Variants in DNAH9 observed in about 807,000 individuals in gnomAD.
The protein encoded by DNAH9 is dynein axonemal heavy chain 9.
DNAH9 carries 345 observed loss-of-function variants against 471.6 expected under a neutral mutation model. The ratio of observed to expected loss-of-function variants is 0.73; its 90% CI spans 0.67 to 0.80. The LOEUF is 0.80. Ranked by LOEUF, DNAH9 falls within the 30% of genes least tolerant of loss-of-function variation. The probability of loss-of-function intolerance (pLI) is 0.00; values close to 1 mark genes in which losing one functional copy is unlikely to be tolerated. For missense variants in DNAH9, 5,407 were observed against 5,609.2 expected, an observed-to-expected ratio of 0.96 and a Z score of 1.15; for synonymous variants, 2,093 against 2,123.6, an observed-to-expected ratio of 0.99 and a Z score of 0.40.
At position 11,704,278 on chromosome 17, in the gene DNAH9, G is replaced by C. The variant is rs1002532128; in HGVS notation, c.5227G>C (p.Glu1743Gln). The change falls in exon 25 of 69, where the codon GAG becomes CAG. Residue 1743 changes from glutamate (E) to glutamine (Q), a missense_variant. Physicochemically the swap from Glu to Gln is conservative, Grantham distance 29. Coordinates refer to ENST00000262442, the MANE Select transcript of DNAH9 (RefSeq NM_001372.4). ...ATTTGCCAGGCTGGAGGAAGGCTAT[G>C]AGAGTGCCATGAAGGACTATTATAA... Reference protein sequence around the residue: ...MAFARLEEGYESAMKDYYKKQ... With the variant: ...MAFARLEEGYQSAMKDYYKKQ... 6.2e-7 allele frequency: 1 copy of C among 1,614,208 alleles called. No homozygotes were observed. Among genetic ancestry groups the C allele is most frequent in the South Asian group, 1.1e-5 (1 of 91,088 alleles).
intron 1 of DNAH9, among the ~76,000 whole-genome samples, chr17:11,601,817 TC>T (rs2076297499): frequency 6.6e-6 from 1 of 152,090 alleles, no homozygotes; most frequent in Admixed American, 6.6e-5. Context: ...CCATGCAGCA[TC>T]GCTAAAGCCA....
At position 11,932,865 on chromosome 17, in the gene DNAH9, A is replaced by G. The variant is rs1974566129; in HGVS notation, c.12297+660A>G. Among the ~76,000 whole-genome samples the G allele has an allele frequency of 6.6e-6, 1 of 152,212 alleles. No individual in the cohort carries two copies. Among genetic ancestry groups the G allele is most frequent in the South Asian group, 2.1e-4 (1 of 4,824 alleles). Reference sequence around the variant, plus strand: ...GGAAGAGACTTCACACTCGCCTGATATAAGTTCCCAAACTTCGCTAACAAT... The same window carrying G: ...GGAAGAGACTTCACACTCGCCTGATGTAAGTTCCCAAACTTCGCTAACAAT... On this transcript the variant is annotated intron_variant, in intron 64 of 68. Coordinates refer to ENST00000262442, the MANE Select transcript of DNAH9 (RefSeq NM_001372.4). This position sits in a 1 kb window ranked among gnomAD's most constrained non-coding sequence, Gnocchi z 4.3.
chr17:11,822,124 T>G, intron 46 of DNAH9, 62 bp downstream of exon 46: 1 of 1,552,512 alleles, frequency 6.4e-7, no homozygotes, highest in South Asian at 1.2e-5. Flanking sequence ...GAGCTTCCAC[T>G]GATATTTCGG....
chr17:11,727,446 G>A (rs1207283622), intron 27 of DNAH9, among the ~76,000 whole-genome samples: 1 of 152,130 alleles, frequency 6.6e-6, no homozygotes, highest in African/African-American at 2.4e-5. Flanking sequence ...AGATACAGAC[G>A]TAAATTTTTC....
intron 49 of DNAH9, among the ~76,000 whole-genome samples, chr17:11,835,359 A>G (rs1200092972): frequency 6.6e-6 from 1 of 152,226 alleles, no homozygotes; most frequent in East Asian, 1.9e-4. Flanking sequence ...AATGTTTAAG[A>G]TAAGAGAATA....
rs111963634 is a variant in DNAH9, at chr17:11,762,758, G to GTTT, written c.6996-673_6996-671dup. ...GCACCAAAATTGCCTCTTTAGGTGC[G>GTTT]TTTTTTTTTTTGTTTTTTTTTTTTT... is the stretch of plus-strand genomic sequence containing the variant. On this transcript the variant is annotated intron_variant, in intron 35 of 68. Transcript: ENST00000262442. Among the ~76,000 whole-genome samples the GTTT allele has an allele frequency of 1.9e-3, 181 of 94,726 alleles. 10 individuals carry two copies. The highest frequency in any genetic ancestry group is 3.0e-3 in the East Asian group (10 of 3,354). 62.1% of individuals were successfully genotyped at this position (94,726 alleles called of 152,430 possible).
At position 11,892,045 on chromosome 17, in the gene DNAH9, A is replaced by G; in HGVS notation, c.11283+98A>G. 7.3e-7 allele frequency: 1 copy of G among 1,373,592 alleles called. No individual in the cohort carries two copies. The highest frequency in any genetic ancestry group is 1.0e-6 in the Non-Finnish European group (1 of 986,884). 85.1% of individuals were successfully genotyped at this position (1,373,592 alleles called of 1,614,324 possible). On this transcript the variant is annotated intron_variant, in intron 58 of 68. Transcript: ENST00000262442. This position sits in a 1 kb window ranked among gnomAD's most constrained non-coding sequence, Gnocchi z 4.3. ...TTCTTCTTTGAACATCACTTTCCAC[A>G]GCATGTCCAGACTATCTGTCTTTGG...
At chr17:11,928,706 G>A (rs1974407317) in intron 62 of DNAH9, among the ~76,000 whole-genome samples, 2 of 152,244 alleles carry the variant, frequency 1.3e-5, no homozygotes, top group Non-Finnish European at 1.5e-5. Context: ...GACTCAGTGT[G>A]TTTCAGGAAG....
At chr17:11,673,364 CT>C (rs1010930103) in intron 17 of DNAH9, among the ~76,000 whole-genome samples, 2 of 152,164 alleles carry the variant, frequency 1.3e-5, no homozygotes, top group Admixed American at 6.5e-5. Flanking sequence ...GCTGTCCTTG[CT>C]TTTCTAAATC....
chr17:11,610,478 AAG>A lies in DNAH9; in HGVS notation c.704_705del (p.Glu235ValfsTer14). On this transcript the variant is annotated frameshift_variant, in exon 3 of 69. Coordinates refer to ENST00000262442, the MANE Select transcript of DNAH9 (RefSeq NM_001372.4). LOFTEE classifies it high-confidence loss of function. ...GAGCTACCAAGTCCAGGTGGTACTC[AAG>A]AGAGAGTCTTCCCAGCCACTCTTAC... ...KWSYQVQVVL[K>X]RESSQPLLQG... 6.2e-7 allele frequency: 1 copy of A among 1,613,718 alleles called. No homozygotes were observed. The highest frequency in any genetic ancestry group is 8.5e-7 in the Non-Finnish European group (1 of 1,179,876).
chr17:11,897,019 G>A (rs1973241498), intron 59 of DNAH9, among the ~76,000 whole-genome samples: 1 of 152,198 alleles, frequency 6.6e-6, no homozygotes. Flanking sequence ...GAACCTGGGA[G>A]GTGGAGGTTG....
At chr17:11,749,074 G>GTTTTTTTTTTGTTTTTTTTTTTT (rs1567772305) in intron 32 of DNAH9, among the ~76,000 whole-genome samples, 1 of 49,106 alleles carries the variant, frequency 2.0e-5, no homozygotes, top group Non-Finnish European at 4.2e-5. Context: ...GTTTTTTTTT[G>GTTTTTTTTTTGTTTTTTTTTTTT]TTTTTTTTTT....
intron 43 of DNAH9, among the ~76,000 whole-genome samples, chr17:11,807,427 A>G (rs1969730563): frequency 6.6e-6 from 1 of 152,142 alleles, no homozygotes; most frequent in Non-Finnish European, 1.5e-5. Context: ...GAGAAGAGCA[A>G]AAGCAATCCT....
chr17:11,877,503 A>T (rs1972548651), intron 53 of DNAH9, among the ~76,000 whole-genome samples: 2 of 129,100 alleles, frequency 1.5e-5, no homozygotes, highest in South Asian at 2.6e-4. Flanking sequence ...AAAAAAAAAA[A>T]GTAATGGTGG....
intron 41 of DNAH9, among the ~76,000 whole-genome samples, 160 bp from the exon 42 acceptor site, chr17:11,793,343 C>T (rs902024663): frequency 1.2e-4 from 18 of 152,128 alleles, no homozygotes; most frequent in Non-Finnish European, 1.8e-4. Context: ...TACAAGCTCC[C>T]TTTCAGCTTC....
intron 45 of DNAH9, among the ~76,000 whole-genome samples, chr17:11,812,188 A>G (rs1969953368): frequency 6.6e-6 from 1 of 151,098 alleles, no homozygotes; most frequent in South Asian, 2.1e-4. Context: ...TGCAGCATCT[A>G]CAAAACCACC....
intron 38 of DNAH9, among the ~76,000 whole-genome samples, chr17:11,776,519 C>T (rs1968442063): frequency 6.6e-6 from 1 of 152,120 alleles, no homozygotes; most frequent in Admixed American, 6.5e-5. Context: ...AAATGGTGTC[C>T]AGCACAGATC....
At chr17:11,777,699 C>G (rs933121653) in intron 38 of DNAH9, among the ~76,000 whole-genome samples, 1 of 152,230 alleles carries the variant, frequency 6.6e-6, no homozygotes, top group Non-Finnish European at 1.5e-5. Flanking sequence ...TCTCTGTAAC[C>G]TGTTTATTAT....
At chr17:11,783,859 G>A (rs1187934660) in intron 40 of DNAH9, 111 bp downstream of exon 40, 1 of 839,174 alleles carries the variant, frequency 1.2e-6, no homozygotes, top group African/African-American at 1.7e-5. Context: ...TCTCAGAATG[G>A]TAAATCAGAT....
Sources: allele counts gnomAD v4.1 joint callset (sites outside exome capture counted in the v4.1 genomes callset), GRCh38; gene constraint gnomAD v4.1.1; non-coding constraint Gnocchi (gnomAD v3.1); transcripts MANE v1.5; gene names NCBI Gene and HGNC (gene_info 2026-07-23, HGNC 2026-07-21).